MAOB: variants seen among roughly 807,000 people sequenced by gnomAD.
MAOB encodes amine oxidase [flavin-containing] B.
MAOB carries 15 observed loss-of-function variants against 41.9 expected under a neutral mutation model. The ratio of observed to expected loss-of-function variants is 0.36; its 90% CI spans 0.24 to 0.55. MAOB has a LOEUF of 0.55. MAOB is among the 20% of genes least tolerant of loss of function. MAOB has a pLI of 0.86. For missense variants in MAOB, 345 were observed against 398.7 expected, an observed-to-expected ratio of 0.87 and a Z score of 1.15; for synonymous variants, 167 against 144.2, an observed-to-expected ratio of 1.16 and a Z score of -1.13.
intron 1 of MAOB, among the ~76,000 whole-genome samples, chrX:43,859,053 G>A (rs931088906): frequency 1.8e-5 from 2 of 110,825 alleles, no homozygotes; most frequent in Admixed American, 1.9e-4. Flanking sequence ...GAATGCAGTT[G>A]TCAGGGTCAA....
rs73472079 is a variant in MAOB, at chrX:43,797,924, C to G, written c.477-658G>C. Among the ~76,000 whole-genome samples, 929 of 112,009 alleles carry G rather than the reference C, an allele frequency of 8.3e-3. 11 individuals carry two copies. The highest frequency in any genetic ancestry group is 0.029 in the African/African-American group (890 of 30,803). ...ATCCTATTAAAACCAGAATAAGATTCAGATCTTACACCATGGCTTCCAGAG... is the reference window on the plus strand; with the variant it reads ...ATCCTATTAAAACCAGAATAAGATTGAGATCTTACACCATGGCTTCCAGAG... On this transcript the variant is annotated intron_variant, in intron 5 of 14. Transcript: ENST00000378069.
At chrX:43,802,379 C>G in intron 4 of MAOB, 116 bp from the exon 5 acceptor site, 1 of 511,305 alleles carries the variant, frequency 2.0e-6, no homozygotes, top group South Asian at 3.3e-5. Context: ...AAAACTCTAC[C>G]TTAAAGAGGA....
At chrX:43,795,605 A>T in intron 7 of MAOB, 134 bp downstream of exon 7, 1 of 513,381 alleles carries the variant, frequency 1.9e-6, no homozygotes, top group Non-Finnish European at 3.1e-6. Flanking sequence ...CCCATCCTGA[A>T]GCTACCTAGG....
At chrX:43,879,155 C>T (rs979377922) in intron 1 of MAOB, among the ~76,000 whole-genome samples, 3 of 111,658 alleles carry the variant, frequency 2.7e-5, no homozygotes, top group African/African-American at 9.8e-5. Flanking sequence ...AGATGATCTG[C>T]CCCTTGGGTA....
intron 3 of MAOB, among the ~76,000 whole-genome samples, chrX:43,812,963 T>C (rs1427476569): frequency 8.9e-6 from 1 of 112,191 alleles, no homozygotes; most frequent in African/African-American, 3.2e-5. Flanking sequence ...ACAAGTAGTA[T>C]TGAGTGCTTA....
chrX:43,786,013 C>T (rs1308155275), intron 8 of MAOB, among the ~76,000 whole-genome samples: 2 of 111,379 alleles, frequency 1.8e-5, no homozygotes, highest in African/African-American at 6.5e-5. Flanking sequence ...AAAAATGATG[C>T]CGATAAACCT....
At chrX:43,831,814 C>T (rs1482250730) in intron 3 of MAOB, among the ~76,000 whole-genome samples, 1 of 111,121 alleles carries the variant, frequency 9.0e-6, no homozygotes, top group Non-Finnish European at 1.9e-5. Flanking sequence ...TATTTATTAA[C>T]TATTAATTTT....
intron 1 of MAOB, among the ~76,000 whole-genome samples, chrX:43,867,760 T>G (rs2035375168): frequency 8.9e-6 from 1 of 112,609 alleles, no homozygotes; most frequent in South Asian, 3.7e-4. Flanking sequence ...TTTGCACATG[T>G]ATTTTGTTTG....
chrX:43,823,345 G>C (rs989441957), intron 3 of MAOB, among the ~76,000 whole-genome samples: 5 of 108,551 alleles, frequency 4.6e-5, no homozygotes, highest in Admixed American at 2.0e-4. Context: ...GCTAATTTTT[G>C]TATTTTTAGT....
At position 43,843,902 on chromosome X, in the gene MAOB, G is replaced by C. The variant is rs760290158; in HGVS notation, c.47-138C>G. 5 of 1,012,333 alleles carry C rather than the reference G, an allele frequency of 4.9e-6. No homozygotes were observed. In the African/African-American group the frequency reaches 9.7e-5, roughly 20 times the overall value. 83.4% of individuals were successfully genotyped at this position (1,012,333 alleles called of 1,213,427 possible). The stretch of plus-strand genomic sequence containing the variant: ...TTACATTCAACTTACAAGTGGATAC[G>C]GTTTGTCAATAGAGGCCCAGAGTCT... On this transcript the variant is annotated intron_variant, in intron 1 of 14. Coordinates refer to ENST00000378069, the MANE Select transcript of MAOB (RefSeq NM_000898.5).
chrX:43,856,799 G>T (rs2035291235), intron 1 of MAOB, among the ~76,000 whole-genome samples: 1 of 108,744 alleles, frequency 9.2e-6, no homozygotes, highest in South Asian at 4.1e-4. Flanking sequence ...AGGTTGAGGA[G>T]GAGGAAGAAG....
At chrX:43,795,597 C>T in intron 7 of MAOB, 142 bp downstream of exon 7, 1 of 480,875 alleles carries the variant, frequency 2.1e-6, no homozygotes, top group South Asian at 4.2e-5. Context: ...TGACCAGCCC[C>T]ATCCTGAAGC....
At chrX:43,825,244 C>T (rs1211961441) in intron 3 of MAOB, among the ~76,000 whole-genome samples, 1 of 111,127 alleles carries the variant, frequency 9.0e-6, no homozygotes. Flanking sequence ...TTCCCTCCCC[C>T]AGCTTTCTTT....
intron 8 of MAOB, 138 bp from the exon 9 acceptor site, chrX:43,781,682 C>T: frequency 2.9e-6 from 1 of 341,733 alleles, no homozygotes. Context: ...CATATGAAGG[C>T]AAACCAAACT....
intron 1 of MAOB, 141 bp from the exon 2 acceptor site, chrX:43,843,905 T>C: frequency 9.9e-7 from 1 of 1,014,392 alleles, no homozygotes; most frequent in Non-Finnish European, 1.3e-6. Context: ...TGGATACGGT[T>C]TGTCAATAGA....
intron 10 of MAOB, 93 bp from the exon 11 acceptor site, chrX:43,778,832 T>C: frequency 1.6e-6 from 1 of 639,696 alleles, no homozygotes; most frequent in Non-Finnish European, 2.4e-6. Context: ...ATAAAAAAGA[T>C]TCCATGAGCC....
chrX:43,878,062 G>T (rs1474184125), intron 1 of MAOB, among the ~76,000 whole-genome samples: 1 of 111,999 alleles, frequency 8.9e-6, no homozygotes, highest in Non-Finnish European at 1.9e-5. Flanking sequence ...CACTGTTTAT[G>T]GTCCTACATG....
chrX:43,826,216 G>A (rs1440379159), intron 3 of MAOB, among the ~76,000 whole-genome samples: 3 of 111,797 alleles, frequency 2.7e-5, no homozygotes, highest in Non-Finnish European at 5.6e-5. Context: ...AGCCGGTGAT[G>A]TTAAGTGTTG....
In MAOB at chrX:43,857,116, TAGAGAGAGAGAGAGAGAGAG is replaced by T. The variant is rs1163831661; in HGVS notation, c.47-13372_47-13353del. On this transcript the variant is annotated intron_variant, in intron 1 of 14. Transcript: ENST00000378069. ...ATATATATATATATATATATATATATAGAGAGAGAGAGAGAGAGAGAGAGAGAGAGAGAGAGAGAGAGAGA... is the reference window on the plus strand; with the variant it reads ...ATATATATATATATATATATATATATAGAGAGAGAGAGAGAGAGAGAGAGA... Among the ~76,000 whole-genome samples, 53 of 11,339 alleles carry T rather than the reference TAGAGAGAGAGAGAGAGAGAG, an allele frequency of 4.7e-3. 1 individual carries two copies. Among genetic ancestry groups the T allele is most frequent in the African/African-American group, 5.7e-3 (17 of 3,004 alleles). 9.8% of individuals were successfully genotyped at this position (11,339 alleles called of 115,157 possible). A position where few individuals can be genotyped will look rare whatever the true frequency, so the allele number is the denominator to read the frequency against.
Sources: gnomAD v4.1 joint callset for allele counts (sites outside exome capture counted in the v4.1 genomes callset) on GRCh38, gnomAD v4.1.1 for gene constraint, MANE v1.5 for transcripts, NCBI Gene and HGNC (gene_info 2026-07-23, HGNC 2026-07-21) for gene names.